PATJ: variants seen among roughly 807,000 people sequenced by gnomAD.
PATJ encodes PATJ crumbs cell polarity complex component, also known as inaD-like protein.
In PATJ, 190 loss-of-function variants were observed where a neutral mutation model predicts 224.9. That is an observed-to-expected ratio of 0.84 (90% confidence interval 0.75 to 0.95). The LOEUF (loss-of-function observed/expected upper bound fraction) is 0.95. Ranked by LOEUF, PATJ falls within the 40% of genes least tolerant of loss-of-function variation. The pLI, the probability that PATJ is intolerant of heterozygous loss-of-function variation, is 0.00. For synonymous variants in PATJ, 769 were observed against 820.3 expected, an observed-to-expected ratio of 0.94 and a Z score of 1.07; for missense variants, 2,121 against 2,270.3, an observed-to-expected ratio of 0.93 and a Z score of 1.34.
chr1:61,841,197 T>C (rs893514559), intron 17 of PATJ, among the ~76,000 whole-genome samples: 2 of 152,170 alleles, frequency 1.3e-5, no homozygotes, highest in South Asian at 2.1e-4. Flanking sequence ...CAAATTTTAA[T>C]CTTGTTTTAC....
In PATJ at chr1:62,128,829, T is replaced by G. The variant is rs1477696892; in HGVS notation, c.5167-12T>G. The G allele has an allele frequency of 6.4e-7, 1 of 1,566,862 alleles. No individual in the cohort carries two copies. ...TAATGATAGTGATTTTCTGTCATTT[T>G]TGTACTTCCAGGTTGGAGATCGGAT... On this transcript the variant is annotated splice_polypyrimidine_tract_variant and intron_variant, in intron 40 of 43. Coordinates refer to ENST00000642238, the MANE Select transcript of PATJ (RefSeq NM_001350145.3).
intron 26 of PATJ, among the ~76,000 whole-genome samples, chr1:61,920,920 G>A (rs1263966271): frequency 2.6e-5 from 4 of 151,898 alleles, no homozygotes; most frequent in Non-Finnish European, 5.9e-5. Context: ...TGGCCAGGCT[G>A]GTCTTGAACT....
chr1:61,970,668 A>G (rs1012023029), intron 27 of PATJ, among the ~76,000 whole-genome samples: 1 of 152,036 alleles, frequency 6.6e-6, no homozygotes, highest in Admixed American at 6.6e-5. Context: ...ATTTTTAAAA[A>G]TTTTTTGTAA....
intron 17 of PATJ, among the ~76,000 whole-genome samples, chr1:61,850,085 G>A (rs1662573440): frequency 6.6e-6 from 1 of 152,094 alleles, no homozygotes; most frequent in Non-Finnish European, 1.5e-5. Context: ...AGTTTGCCAT[G>A]GTAGCTTGGA....
At chr1:61,894,300 C>T (rs960929528) in intron 22 of PATJ, among the ~76,000 whole-genome samples, 2 of 151,470 alleles carry the variant, frequency 1.3e-5, no homozygotes, top group African/African-American at 2.4e-5. Context: ...TTCTAAAATA[C>T]AGCAGAGCAT....
At chr1:61,809,432 G>C (rs1269798086) in intron 14 of PATJ, among the ~76,000 whole-genome samples, 1 of 150,222 alleles carries the variant, frequency 6.7e-6, no homozygotes. Flanking sequence ...TTGTTGCCCA[G>C]GCTGGAGTGC....
intron 9 of PATJ, among the ~76,000 whole-genome samples, chr1:61,793,453 G>T (rs1305711978): frequency 6.6e-6 from 1 of 152,114 alleles, no homozygotes; most frequent in African/African-American, 2.4e-5. Flanking sequence ...TCAAGTGCGT[G>T]CTGCGGACTG....
At chr1:61,991,505 C>T (rs1420617986) in intron 28 of PATJ, 1 of 985,206 alleles carries the variant, frequency 1.0e-6, no homozygotes, top group East Asian at 1.1e-4. Context: ...ATAGAATTTA[C>T]AGTCATCCAT....
chr1:61,940,769 G>A (rs1277845288), intron 27 of PATJ, among the ~76,000 whole-genome samples: 2 of 151,024 alleles, frequency 1.3e-5, no homozygotes, highest in African/African-American at 4.9e-5. Context: ...TCTAGCATAA[G>A]AGTATGTTAA....
rs78020031 is a variant in PATJ, at chr1:61,845,703, G to C, written c.2113-10327G>C. ...TATCAACACTGGTTGACCTTTCAAG[G>C]ATTAAAAAGAGCAAAACACTGCAGA... is the stretch of plus-strand genomic sequence containing the variant. On this transcript the variant is annotated intron_variant, in intron 17 of 43. Transcript: ENST00000642238. 5.7e-3 allele frequency among the ~76,000 whole-genome samples: 862 copies of C among 152,264 alleles called. 8 individuals carry two copies. Among genetic ancestry groups the C allele is most frequent in the African/African-American group, 0.02 (831 of 41,542 alleles).
At chr1:62,125,740 A>C (rs17123118) in intron 39 of PATJ, among the ~76,000 whole-genome samples, 5,210 of 152,050 alleles carry the variant, frequency 0.034, 271 homozygotes, top group African/African-American at 0.12. Flanking sequence ...TACCTACCCT[A>C]TTCTACCACA....
At chr1:62,160,374 G>A (rs1045245352) in intron 43 of PATJ, among the ~76,000 whole-genome samples, 1 of 152,050 alleles carries the variant, frequency 6.6e-6, no homozygotes, top group Non-Finnish European at 1.5e-5. Context: ...TGCTACACTC[G>A]TATATATTTA....
chr1:61,983,922 T>A (rs1192114906), intron 27 of PATJ, among the ~76,000 whole-genome samples: 1 of 151,594 alleles, frequency 6.6e-6, no homozygotes, highest in Non-Finnish European at 1.5e-5. Context: ...CCTCCTGGGC[T>A]CAAGCAGTCA....
At chr1:61,896,840 T>A (rs1670440337) in intron 22 of PATJ, among the ~76,000 whole-genome samples, 1 of 152,168 alleles carries the variant, frequency 6.6e-6, no homozygotes, top group Non-Finnish European at 1.5e-5. Flanking sequence ...CACATACACC[T>A]TCCTTCCCCT....
intron 27 of PATJ, among the ~76,000 whole-genome samples, chr1:61,938,010 C>G: frequency 6.6e-6 from 1 of 152,148 alleles, no homozygotes; most frequent in South Asian, 2.1e-4. Flanking sequence ...CAAACTCAGT[C>G]TGGAGCTTTT....
intron 20 of PATJ, among the ~76,000 whole-genome samples, chr1:61,869,313 A>G (rs1210348867): frequency 6.6e-6 from 1 of 151,774 alleles, no homozygotes; most frequent in African/African-American, 2.4e-5. Context: ...TCACCGTTTT[A>G]GCCGGGATGG....
intron 6 of PATJ, 97 bp downstream of exon 6, chr1:61,771,723 C>T: frequency 1.1e-6 from 1 of 951,362 alleles, no homozygotes; most frequent in Non-Finnish European, 1.5e-6. Flanking sequence ...ACCTTTCTTT[C>T]CTTTTTTTTT....
At chr1:61,758,356 G>GT (rs1645769375) in intron 1 of PATJ, among the ~76,000 whole-genome samples, 1 of 151,818 alleles carries the variant, frequency 6.6e-6, no homozygotes, top group Non-Finnish European at 1.5e-5. Flanking sequence ...TTTTTTGTTT[G>GT]TTTTTTCTTG....
intron 29 of PATJ, among the ~76,000 whole-genome samples, chr1:62,022,745 G>A (rs985016717): frequency 6.6e-6 from 1 of 152,164 alleles, no homozygotes; most frequent in Non-Finnish European, 1.5e-5. Context: ...TAAAGGAAAC[G>A]AGATGAAACT....
Sources: gnomAD v4.1 joint callset for allele counts (sites outside exome capture counted in the v4.1 genomes callset) on GRCh38, gnomAD v4.1.1 for gene constraint, MANE v1.5 for transcripts, NCBI Gene and HGNC (gene_info 2026-07-23, HGNC 2026-07-21) for gene names.